The following DOP1A variants were observed in gnomAD, a reference collection of about 807,000 sequenced individuals.
DOP1A encodes DOP1 leucine zipper like protein A.
Under a neutral mutation model 267.6 loss-of-function variants are expected in DOP1A, and 90 were observed. The observed-to-expected ratio is 0.34, with a 90% CI of 0.28 to 0.40. The LOEUF (loss-of-function observed/expected upper bound fraction) is 0.40. DOP1A is among the 10% of genes least tolerant of loss of function. DOP1A has a pLI of 1.00. For missense variants in DOP1A, 2,437 were observed against 2,900.4 expected, an observed-to-expected ratio of 0.84 and a Z score of 3.67; for synonymous variants, 932 against 999.1, an observed-to-expected ratio of 0.93 and a Z score of 1.27.
chr6:83,094,704 A>T (rs1771127249), intron 1 of DOP1A, among the ~76,000 whole-genome samples: 1 of 152,164 alleles, frequency 6.6e-6, no homozygotes, highest in Non-Finnish European at 1.5e-5. Context: ...GTCCATTCAC[A>T]TCTGTTGCCC....
At chr6:83,163,191 GT>G (rs1334839971) in intron 38 of DOP1A, among the ~76,000 whole-genome samples, 1 of 152,040 alleles carries the variant, frequency 6.6e-6, no homozygotes, top group Admixed American at 6.6e-5. Flanking sequence ...ACCTTAAAAT[GT>G]TTTCCCCTCA....
chr6:83,071,997 T>C (rs1295691497), intron 1 of DOP1A, among the ~76,000 whole-genome samples: 1 of 152,198 alleles, frequency 6.6e-6, no homozygotes, highest in Non-Finnish European at 1.5e-5. Context: ...AATAATCTCC[T>C]ATCTCCTTTA....
Position 83,158,625 on chromosome 6 carries a change from A to G in DOP1A, c.6797+3A>G, listed in dbSNP as rs1783405944. The G allele has an allele frequency of 1.3e-6, 2 of 1,596,482 alleles. No homozygotes were observed. Among genetic ancestry groups the G allele is most frequent in the Non-Finnish European group, 1.7e-6 (2 of 1,167,130 alleles). ...ACTGCTGATGAAGATATTTCACGGT[A>G]ATATGTAATTTAAATATATTGTTGT... On this transcript the variant is annotated splice_donor_region_variant and intron_variant, in intron 36 of 38. Transcript: ENST00000349129.
At chr6:83,143,769 C>G (rs1037661524) in intron 24 of DOP1A, among the ~76,000 whole-genome samples, 1 of 151,806 alleles carries the variant, frequency 6.6e-6, no homozygotes, top group Admixed American at 6.6e-5. Flanking sequence ...TACTAGAGAC[C>G]CAGTATCTTT....
chr6:83,070,111 T>G (rs1386792279), intron 1 of DOP1A, among the ~76,000 whole-genome samples: 1 of 152,218 alleles, frequency 6.6e-6, no homozygotes, highest in African/African-American at 2.4e-5. Flanking sequence ...TGTTCATTCT[T>G]TATTACTTTC....
intron 7 of DOP1A, among the ~76,000 whole-genome samples, chr6:83,117,782 A>T (rs775657763): frequency 6.6e-6 from 1 of 152,208 alleles, no homozygotes; most frequent in Non-Finnish European, 1.5e-5. Flanking sequence ...AGTCTTAGAG[A>T]TACCTAGGGG....
chr6:83,166,626 C>T (rs899575744), intron 38 of DOP1A: 3 of 843,718 alleles, frequency 3.6e-6, no homozygotes, highest in Non-Finnish European at 5.0e-6. Context: ...GAATGTACTC[C>T]AATATAAAAC....
chr6:83,068,348 T>G (rs1785048046), intron 1 of DOP1A, among the ~76,000 whole-genome samples: 1 of 152,184 alleles, frequency 6.6e-6, no homozygotes, highest in African/African-American at 2.4e-5. Flanking sequence ...ATTATCACCT[T>G]TGATTCCTAA....
chr6:83,112,545 C>T (rs1221551789), intron 6 of DOP1A, among the ~76,000 whole-genome samples: 3 of 152,284 alleles, frequency 2.0e-5, no homozygotes, highest in African/African-American at 7.2e-5. Flanking sequence ...CTCACTGCAA[C>T]CTCCACCTCC....
rs890854650 is a variant in DOP1A, at chr6:83,119,928, G to T, written c.990+71G>T. 3 of 1,271,880 alleles carry T rather than the reference G, an allele frequency of 2.4e-6. No individual in the cohort carries two copies. In the African/African-American group the frequency reaches 4.5e-5, roughly 19 times the overall value. 78.8% of individuals were successfully genotyped at this position (1,271,880 alleles called of 1,614,324 possible). ...AGGTAGTGAAAAAGTGTAAGACGAG[G>T]TCTTGCCTTAATTGAATTCACAGTT... On this transcript the variant is annotated intron_variant, in intron 9 of 38. Coordinates refer to ENST00000349129, the MANE Select transcript of DOP1A (RefSeq NM_015018.4).
At position 83,122,871 on chromosome 6, in the gene DOP1A, G is replaced by A; in HGVS notation, c.1229G>A (p.Arg410Lys). Reference protein sequence around the residue: ...KDHAQLSSKLRENKKTAELIK... With the variant: ...KDHAQLSSKLKENKKTAELIK... ...CTTTTCTCTTTTTTCAGTAAATTAA[G>A]AGAAAATAAGAAAACAGCAGAGCTG... The change falls in exon 12 of 39, where the codon AGA becomes AAA. Residue 410 changes from arginine (R) to lysine (K), a missense_variant. Arg to Lys is a conservative substitution (Grantham distance 26). Transcript: ENST00000349129. 1 of 1,470,122 alleles carries A rather than the reference G, an allele frequency of 6.8e-7. No individual in the cohort carries two copies. The highest frequency in any genetic ancestry group is 9.0e-7 in the Non-Finnish European group (1 of 1,108,194). The allele number at this position is 1,470,122 out of a possible 1,614,324, so 91.1% of individuals were successfully genotyped here.
chr6:83,122,102 TAA>T, intron 11 of DOP1A, 52 bp downstream of exon 11: 1 of 1,585,984 alleles, frequency 6.3e-7, no homozygotes, highest in Non-Finnish European at 8.6e-7. Context: ...TGTATTCACT[TAA>T]TATAAACTTG....
rs1409983960 is a variant in DOP1A at position 83,127,469 on chromosome 6, G to A, written c.1720-1418G>A. On this transcript the variant is annotated intron_variant, in intron 15 of 38. Transcript: ENST00000349129. ...AAGAGATGCAGCTATAAGATAGGCA[G>A]AGGCCAGGTCTTAGAGGGCCTTGAG... Among the ~76,000 whole-genome samples, 4 of 152,200 alleles carry A rather than the reference G, an allele frequency of 2.6e-5. 1 individual carries two copies. The highest frequency in any genetic ancestry group is 9.6e-5 in the African/African-American group (4 of 41,466).
Position 83,125,668 on chromosome 6 carries a change from A to C in DOP1A, c.1654A>C (p.Thr552Pro). 1 of 1,613,784 alleles carries C rather than the reference A, an allele frequency of 6.2e-7. No homozygotes were observed. The highest frequency in any genetic ancestry group is 8.5e-7 in the Non-Finnish European group (1 of 1,179,762). ...TCAGCCTCCACTGTTATCTGCTAGC[A>C]CTGGAGGTGTTTTGCAGTTTCCAAG... ...KVQPPLLSASTGGVLQFPSGQ... is the reference protein window; with the variant it reads ...KVQPPLLSASPGGVLQFPSGQ... Residue 552 changes from threonine (T) to proline (P), a missense_variant, in exon 15 of 39, where the codon ACT (threonine) becomes CCT (proline). Physicochemically the swap from Thr to Pro is conservative, Grantham distance 38. Coordinates refer to ENST00000349129, the MANE Select transcript of DOP1A (RefSeq NM_015018.4).
intron 1 of DOP1A, among the ~76,000 whole-genome samples, chr6:83,087,842 T>C (rs1047450586): frequency 5.3e-5 from 8 of 152,074 alleles, no homozygotes; most frequent in African/African-American, 1.7e-4. Context: ...GGGAAAACCA[T>C]TGATGTTTGT....
downstream of DOP1A, chr6:83,169,015 G>C (rs183067035): frequency 7.4e-7 from 1 of 1,345,314 alleles, no homozygotes; most frequent in Non-Finnish European, 9.6e-7. Flanking sequence ...TTTTACATTA[G>C]TGAGACTGAA....
chr6:83,119,977 A>G (rs1258136066), intron 9 of DOP1A, 120 bp downstream of exon 9: 2 of 665,168 alleles, frequency 3.0e-6, no homozygotes, highest in Non-Finnish European at 4.8e-6. Context: ...CAAGACTTAC[A>G]AACTTCCCAA....
At chr6:83,123,849 T>C (rs1776723426) in intron 12 of DOP1A, among the ~76,000 whole-genome samples, 1 of 152,040 alleles carries the variant, frequency 6.6e-6, no homozygotes, top group South Asian at 2.1e-4. Context: ...TACCCTGGGT[T>C]TTTACCTTCT....
chr6:83,109,256 C>A (rs1241242783), intron 5 of DOP1A, among the ~76,000 whole-genome samples, 176 bp downstream of exon 5: 1 of 152,130 alleles, frequency 6.6e-6, no homozygotes, highest in African/African-American at 2.4e-5. Flanking sequence ...ATGTATCATA[C>A]TGAAAATATA....
Sources: allele counts gnomAD v4.1 joint callset (sites outside exome capture counted in the v4.1 genomes callset), GRCh38; gene constraint gnomAD v4.1.1; transcripts MANE v1.5; gene names NCBI Gene and HGNC (gene_info 2026-07-23, HGNC 2026-07-21).